The following YWHAB variants were observed in gnomAD, a reference collection of about 807,000 sequenced individuals.
YWHAB encodes tyrosine 3-monooxygenase/tryptophan 5-monooxygenase activation protein beta.
A neutral mutation model predicts 28.5 loss-of-function variants in YWHAB; 2 were observed. That is an observed-to-expected ratio of 0.07 (90% confidence interval 0.03 to 0.22). The LOEUF (loss-of-function observed/expected upper bound fraction) is 0.22, where lower values mean the gene tolerates loss of function less well. YWHAB is among the 10% of genes least tolerant of loss of function. YWHAB has a pLI of 1.00. For missense variants in YWHAB, 148 were observed against 297.1 expected (o/e 0.50, Z 3.69); for synonymous variants, 103 against 104.7 (o/e 0.98, Z 0.10).
At chr20:44,904,178 C>G (rs987890352) in intron 3 of YWHAB, 62 bp downstream of exon 3, 13 of 1,594,754 alleles carry the variant, frequency 8.2e-6, no homozygotes, top group Admixed American at 1.7e-5. Flanking sequence ...TTCACAGGGA[C>G]TTTTTAACGA....
chr20:44,888,407 T>G (rs1202456822), intron 1 of YWHAB, among the ~76,000 whole-genome samples: 1 of 152,210 alleles, frequency 6.6e-6, no homozygotes, highest in Non-Finnish European at 1.5e-5. Flanking sequence ...AGCCCCATTT[T>G]ACAGATGGGG....
intron 2 of YWHAB, chr20:44,902,548 G>A (rs2066633535): frequency 6.6e-6 from 1 of 152,146 alleles, no homozygotes; most frequent in Admixed American, 6.5e-5. Context: ...TGCTTTGAAG[G>A]GAAAAGGAAT....
chr20:44,906,259 C>A, intron 5 of YWHAB, 123 bp from the exon 6 acceptor site: 2 of 1,190,068 alleles, frequency 1.7e-6, no homozygotes, highest in Non-Finnish European at 1.2e-6. Flanking sequence ...TGCAATCATC[C>A]CTGTCTGCAG....
chr20:44,906,344 A>G (rs2066655902), intron 5 of YWHAB, 38 bp from the exon 6 acceptor site: 1 of 1,610,804 alleles, frequency 6.2e-7, no homozygotes, highest in African/African-American at 1.3e-5. Flanking sequence ...GGGAACTTTT[A>G]GTAGCCCTGC....
chr20:44,886,388 A>C (rs1212791451), intron 1 of YWHAB: 1 of 152,260 alleles, frequency 6.6e-6, no homozygotes, highest in African/African-American at 2.4e-5. Flanking sequence ...GGGAGACAGC[A>C]GTGGGGGAAC....
chr20:44,891,965 G>A (rs113823411), intron 1 of YWHAB, among the ~76,000 whole-genome samples: 1 of 152,200 alleles, frequency 6.6e-6, no homozygotes, highest in African/African-American at 2.4e-5. Context: ...TTAGTGAGTA[G>A]TTTTCTCTGA....
intron 1 of YWHAB, among the ~76,000 whole-genome samples, chr20:44,895,668 A>G (rs1412951735): frequency 1.3e-5 from 2 of 152,076 alleles, no homozygotes; most frequent in Non-Finnish European, 2.9e-5. Context: ...AGGTCTTACT[A>G]TGTTGCCCAG....
intron 4 of YWHAB, chr20:44,905,379 A>AAC (rs1192113381): frequency 1.4e-5 from 5 of 364,350 alleles, no homozygotes; most frequent in African/African-American, 1.1e-4. Flanking sequence ...GAATGTAGTT[A>AAC]GTTGTTTCTT....
chr20:44,905,747 G>C (rs2066652213), intron 4 of YWHAB: 1 of 358,550 alleles, frequency 2.8e-6, no homozygotes, highest in Non-Finnish European at 5.1e-6. Flanking sequence ...ACTGTGCTAG[G>C]GTTAGCAGTA....
In YWHAB at chr20:44,908,174, CA is replaced by C. The variant is rs397727628; in HGVS notation, c.*1747del. On this transcript the variant is annotated 3_prime_UTR_variant, in exon 6 of 6. Coordinates refer to ENST00000353703, the MANE Select transcript of YWHAB (RefSeq NM_139323.4). ...AACAAACCAAAAAAAAAGAAAAAAA[CA>C]AAAAAAAAAATCCCTCCTTTCTAGC... The C allele has an allele frequency of 4.6e-3, 646 of 141,228 alleles. 2 individuals are homozygous for C. Among genetic ancestry groups the C allele is most frequent in the East Asian group, 0.019 (94 of 4,994 alleles). The allele number at this position is 141,228 out of a possible 1,614,324, so 8.7% of individuals were successfully genotyped here. A position where few individuals can be genotyped will look rare whatever the true frequency, so the allele number is the denominator to read the frequency against.
rs957523047 is a variant in YWHAB at position 44,904,246 on chromosome 20, C to T, written c.424+130C>T. The T allele has an allele frequency of 5.7e-6, 7 of 1,227,306 alleles. No homozygotes were observed. The African/African-American group carries it at 7.7e-5, about 14-fold the overall frequency. The allele number at this position is 1,227,306 out of a possible 1,614,324, so 76.0% of individuals were successfully genotyped here. ...ACAGTACTAAGAATTTAAAAGACCA[C>T]AGCATTGTGACGAACGGGGTCATGG... is the stretch of plus-strand genomic sequence containing the variant. On this transcript the variant is annotated intron_variant, in intron 3 of 5. Coordinates refer to ENST00000353703, the MANE Select transcript of YWHAB (RefSeq NM_139323.4).
intron 1 of YWHAB, among the ~76,000 whole-genome samples, chr20:44,897,437 TC>T (rs2066602389): frequency 6.6e-6 from 1 of 152,208 alleles, no homozygotes; most frequent in African/African-American, 2.4e-5. Flanking sequence ...CTGGAAATTT[TC>T]TGAAGGTTGT....
intron 2 of YWHAB, chr20:44,903,107 A>G: frequency 4.1e-6 from 4 of 986,182 alleles, no homozygotes; most frequent in Non-Finnish European, 4.8e-6. Context: ...GGACTCCTTC[A>G]GAACTACTTT....
rs1455180544 is a variant in YWHAB at position 44,901,979 on chromosome 20, CATATG to C, written c.300+151_300+155del. 3.4e-6 allele frequency: 3 copies of C among 877,692 alleles called. No homozygotes were observed. The African/African-American group carries it at 5.0e-5, about 15-fold the overall frequency. 54.4% of individuals were successfully genotyped at this position (877,692 alleles called of 1,614,324 possible). On this transcript the variant is annotated intron_variant, in intron 2 of 5. Coordinates refer to ENST00000353703, the MANE Select transcript of YWHAB (RefSeq NM_139323.4). Reference sequence around the variant, plus strand: ...CAGGTATTTACAACTAATTTTTAAGCATATGATATAATTTGTGTCACCTATTGCCT... The same window carrying C: ...CAGGTATTTACAACTAATTTTTAAGCATATAATTTGTGTCACCTATTGCCT...
At chr20:44,888,961 A>C (rs1468806891) in intron 1 of YWHAB, among the ~76,000 whole-genome samples, 1 of 152,212 alleles carries the variant, frequency 6.6e-6, no homozygotes, top group East Asian at 1.9e-4. Flanking sequence ...GAAACTTCTA[A>C]ATTAAAACAT....
rs1049911780 is a variant in YWHAB, at chr20:44,906,616, C to G, written c.*178C>G. ...AAACAGCTGGTATTTGTATCTAAAA[C>G]TCAGATTGGTCACATAAATGCCACG... is the stretch of plus-strand genomic sequence containing the variant. On this transcript the variant is annotated 3_prime_UTR_variant, in exon 6 of 6. Transcript: ENST00000353703. The G allele has an allele frequency of 4.4e-6, 2 of 456,710 alleles. No individual in the cohort carries two copies. Among genetic ancestry groups the G allele is most frequent in the Non-Finnish European group, 7.7e-6 (2 of 259,724 alleles). 28.3% of individuals were successfully genotyped at this position (456,710 alleles called of 1,614,324 possible).
At chr20:44,898,749 A>T (rs963606443) in intron 1 of YWHAB, among the ~76,000 whole-genome samples, 2 of 151,762 alleles carry the variant, frequency 1.3e-5, no homozygotes, top group Non-Finnish European at 2.9e-5. Flanking sequence ...CTCGTGATTC[A>T]CCTGCCTCGG....
chr20:44,889,337 ATCT>A (rs1294947977), intron 1 of YWHAB, among the ~76,000 whole-genome samples: 2 of 152,304 alleles, frequency 1.3e-5, no homozygotes, highest in East Asian at 3.9e-4. Flanking sequence ...AAGGCCAATC[ATCT>A]TACTGCTTTC....
At chr20:44,897,667 G>C (rs1373956676) in intron 1 of YWHAB, among the ~76,000 whole-genome samples, 1 of 152,152 alleles carries the variant, frequency 6.6e-6, no homozygotes, top group African/African-American at 2.4e-5. Flanking sequence ...TGTTTATTTT[G>C]TGTTTTTTTC....
Sources: allele counts gnomAD v4.1 joint callset (sites outside exome capture counted in the v4.1 genomes callset), GRCh38; gene constraint gnomAD v4.1.1; transcripts MANE v1.5; gene names NCBI Gene and HGNC (gene_info 2026-07-23, HGNC 2026-07-21).